Variants in NKAIN2 observed in about 807,000 individuals in gnomAD.
The protein encoded by NKAIN2 is sodium/potassium-transporting ATPase subunit beta-1-interacting protein 2.
Under a neutral mutation model 32.6 loss-of-function variants are expected in NKAIN2, and 14 were observed. The ratio of observed to expected loss-of-function variants is 0.43; its 90% CI spans 0.28 to 0.67. The LOEUF (loss-of-function observed/expected upper bound fraction) is 0.67, where lower values mean the gene tolerates loss of function less well. Ranked by LOEUF, NKAIN2 falls within the 30% of genes least tolerant of loss-of-function variation. The pLI, the probability that NKAIN2 is intolerant of heterozygous loss-of-function variation, is 0.17. For synonymous variants in NKAIN2, 80 were observed against 87.2 expected (o/e 0.92, Z 0.46); for missense variants, 198 against 258.3 (o/e 0.77, Z 1.60).
intron 3 of NKAIN2, among the ~76,000 whole-genome samples, chr6:124,544,442 G>A (rs1017791086): frequency 2.6e-5 from 4 of 152,052 alleles, no homozygotes; most frequent in African/African-American, 9.7e-5. Flanking sequence ...AGCAGGTACA[G>A]CTGTAGAAAC....
intron 3 of NKAIN2, among the ~76,000 whole-genome samples, chr6:124,412,690 C>G (rs1352115416): frequency 3.3e-5 from 5 of 152,186 alleles, no homozygotes; most frequent in African/African-American, 9.6e-5. Flanking sequence ...AACCACTACT[C>G]TCTTCAAAGC....
intron 1 of NKAIN2, among the ~76,000 whole-genome samples, chr6:124,055,606 G>A (rs972711972): frequency 4.6e-5 from 7 of 151,934 alleles, no homozygotes; most frequent in Admixed American, 1.3e-4. Context: ...AGTCATGGCA[G>A]CTCTGGGTGG....
chr6:124,687,767 CACACACACACACACAT>C (rs1458662520), intron 4 of NKAIN2, among the ~76,000 whole-genome samples: 2 of 143,972 alleles, frequency 1.4e-5, no homozygotes, highest in East Asian at 2.0e-4. Context: ...CACACACACA[CACACACACACACACAT>C]ACTGTTCTAT....
At chr6:124,080,174 G>T (rs1278660371) in intron 1 of NKAIN2, among the ~76,000 whole-genome samples, 1 of 152,114 alleles carries the variant, frequency 6.6e-6, no homozygotes, top group Non-Finnish European at 1.5e-5. Context: ...CGTCTTGTCT[G>T]AGTTTACCTA....
intron 4 of NKAIN2, among the ~76,000 whole-genome samples, chr6:124,779,549 G>T (rs1779162903): frequency 6.6e-6 from 1 of 152,104 alleles, no homozygotes; most frequent in Admixed American, 6.6e-5. Context: ...TCCTGGAAGA[G>T]TTTTGCTATA....
chr6:123,983,453 C>T (rs1189485637), intron 1 of NKAIN2, among the ~76,000 whole-genome samples: 1 of 152,178 alleles, frequency 6.6e-6, no homozygotes, highest in Non-Finnish European at 1.5e-5. Flanking sequence ...CTGCAGACAT[C>T]TGTGCAAGAG....
intron 3 of NKAIN2, among the ~76,000 whole-genome samples, chr6:124,578,212 C>A (rs980746359): frequency 6.6e-6 from 1 of 151,968 alleles, no homozygotes; most frequent in Non-Finnish European, 1.5e-5. Flanking sequence ...CTTTGTCTTG[C>A]AGCTTCCTTA....
At chr6:124,618,584 CTTT>C (rs780816298) in intron 3 of NKAIN2, among the ~76,000 whole-genome samples, 1 of 152,148 alleles carries the variant, frequency 6.6e-6, no homozygotes, top group Non-Finnish European at 1.5e-5. Flanking sequence ...GTATAGTTTG[CTTT>C]GTAAGGTTGT....
chr6:124,150,568 AATTT>A (rs1033591864), intron 1 of NKAIN2, among the ~76,000 whole-genome samples: 32 of 152,162 alleles, frequency 2.1e-4, no homozygotes, highest in African/African-American at 5.8e-4. Flanking sequence ...GATGAATTAC[AATTT>A]ATTTAACCAG....
At chr6:124,257,607 A>C (rs555928396) in intron 1 of NKAIN2, among the ~76,000 whole-genome samples, 1 of 152,228 alleles carries the variant, frequency 6.6e-6, no homozygotes, top group East Asian at 1.9e-4. Flanking sequence ...ATAAGACCTA[A>C]AAAGGTCTAC....
Position 124,477,087 on chromosome 6 carries a change from A to G in NKAIN2, c.273+121740A>G, listed in dbSNP as rs536609313. On this transcript the variant is annotated intron_variant, in intron 3 of 6. Coordinates refer to ENST00000368417, the MANE Select transcript of NKAIN2 (RefSeq NM_001040214.3). ...TGACTCTGCATTAATTTTTTCTGTC[A>G]GATTTCCCAAAGTACTTAAAATGCA... Among the ~76,000 whole-genome samples the G allele has an allele frequency of 9.8e-5, 15 of 152,328 alleles. No homozygotes were observed. In the South Asian group the frequency reaches 1.4e-3, roughly 15 times the overall value.
At chr6:123,819,720 C>T (rs1333763987) in intron 1 of NKAIN2, among the ~76,000 whole-genome samples, 1 of 152,096 alleles carries the variant, frequency 6.6e-6, no homozygotes, top group Non-Finnish European at 1.5e-5. Flanking sequence ...GATGCACTTC[C>T]AGTAAAGAGA....
intron 3 of NKAIN2, among the ~76,000 whole-genome samples, chr6:124,553,892 C>T (rs1326163233): frequency 2.0e-5 from 3 of 152,100 alleles, no homozygotes; most frequent in Admixed American, 6.6e-5. Context: ...TTTAATCACC[C>T]GAAGCCCATC....
chr6:124,259,562 G>T (rs1003328827), intron 1 of NKAIN2, among the ~76,000 whole-genome samples: 4 of 152,154 alleles, frequency 2.6e-5, no homozygotes, highest in Non-Finnish European at 5.9e-5. Context: ...GTATAAATAG[G>T]TTAGTATTCA....
chr6:124,415,365 A>T (rs1774415267), intron 3 of NKAIN2, among the ~76,000 whole-genome samples: 1 of 152,190 alleles, frequency 6.6e-6, no homozygotes, highest in East Asian at 1.9e-4. Context: ...CTCATTATAA[A>T]CTATATTACA....
At chr6:124,388,615 T>C (rs963765603) in intron 3 of NKAIN2, among the ~76,000 whole-genome samples, 1 of 151,026 alleles carries the variant, frequency 6.6e-6, no homozygotes, top group African/African-American at 2.5e-5. Context: ...TTGAGGGTTC[T>C]ATATTTTCAA....
intron 3 of NKAIN2, among the ~76,000 whole-genome samples, chr6:124,394,823 A>G (rs1001060136): frequency 1.3e-5 from 2 of 152,132 alleles, no homozygotes; most frequent in African/African-American, 4.8e-5. Flanking sequence ...AAACACCCAT[A>G]ATAGTGTTTG....
chr6:124,133,930 G>T (rs1166977917), intron 1 of NKAIN2, among the ~76,000 whole-genome samples: 1 of 151,926 alleles, frequency 6.6e-6, no homozygotes, highest in Non-Finnish European at 1.5e-5. Flanking sequence ...ACTCAAATGA[G>T]AAGGAACCAA....
At position 123,911,819 on chromosome 6, in the gene NKAIN2, A is replaced by ATATATATATG. The variant is rs1775220176; in HGVS notation, c.54+107565_54+107566insTATATATATG. Reference sequence around the variant, plus strand: ...TATATATGTATATATATATACACACACACACACACACACACACACACACAC... The same window carrying ATATATATATG: ...TATATATGTATATATATATACACACATATATATATGCACACACACACACACACACACACAC... On this transcript the variant is annotated intron_variant, in intron 1 of 6. Coordinates refer to ENST00000368417, the MANE Select transcript of NKAIN2 (RefSeq NM_001040214.3). Among the ~76,000 whole-genome samples the ATATATATATG allele has an allele frequency of 1.0e-4, 10 of 97,508 alleles. 1 individual carries two copies. The highest frequency in any genetic ancestry group is 4.7e-4 in the African/African-American group (8 of 17,110). The allele number at this position is 97,508 out of a possible 152,430, so 64.0% of individuals were successfully genotyped here.
Sources: allele counts gnomAD v4.1 joint callset (sites outside exome capture counted in the v4.1 genomes callset), GRCh38; gene constraint gnomAD v4.1.1; transcripts MANE v1.5; gene names NCBI Gene and HGNC (gene_info 2026-07-23, HGNC 2026-07-21).